The following NBAS variants were observed in gnomAD, a reference collection of about 807,000 sequenced individuals.
NBAS encodes NBAS subunit of NRZ tethering complex, also known as NAG/BC035112 fusion.
Under a neutral mutation model 302.5 loss-of-function variants are expected in NBAS, and 219 were observed. The ratio of observed to expected loss-of-function variants is 0.72; its 90% CI spans 0.65 to 0.81. NBAS has a LOEUF of 0.81. NBAS is among the 30% of genes least tolerant of loss of function. The probability of loss-of-function intolerance (pLI) is 0.00; values close to 1 mark genes in which losing one functional copy is unlikely to be tolerated. For synonymous variants in NBAS, 1,118 were observed against 1,021.6 expected (o/e 1.09, Z -1.80); for missense variants, 2,932 against 2,841.6 (o/e 1.03, Z -0.72).
At chr2:15,327,623 G>A in intron 38 of NBAS, 127 bp downstream of exon 38, 3 of 1,107,946 alleles carry the variant, frequency 2.7e-6, no homozygotes, top group Non-Finnish European at 4.0e-6. Flanking sequence ...GAATGATGAT[G>A]TCAAGTTATG....
chr2:14,842,351 T>TA, the NBAS span, among the ~76,000 whole-genome samples: 42 of 151,806 alleles, frequency 2.8e-4, no homozygotes, highest in African/African-American at 9.6e-4. Context: ...AAATTGAGAC[T>TA]AAAAAATGCA....
the NBAS span, among the ~76,000 whole-genome samples, chr2:15,040,724 C>G: frequency 6.6e-6 from 1 of 152,164 alleles, no homozygotes; most frequent in African/African-American, 2.4e-5. Context: ...AAGCCCCACC[C>G]TTGCCCTTGG....
In NBAS at chr2:15,382,086, T is replaced by C. The variant is rs145880207; in HGVS notation, c.3360+1129A>G. On this transcript the variant is annotated intron_variant, in intron 29 of 51. Transcript: ENST00000281513. ...GTTATTAAAAATGAGTTAGGTCATTTTTTCCACACAAACGGAAATATATAT... is the reference window on the plus strand; with the variant it reads ...GTTATTAAAAATGAGTTAGGTCATTCTTTCCACACAAACGGAAATATATAT... Among the ~76,000 whole-genome samples the C allele has an allele frequency of 8.5e-3, 1,027 of 121,372 alleles. 12 individuals carry two copies. The highest frequency in any genetic ancestry group is 0.027 in the African/African-American group (926 of 33,730). 79.6% of individuals were successfully genotyped at this position (121,372 alleles called of 152,430 possible).
At chr2:15,220,204 C>T (rs1220636716) in intron 47 of NBAS, among the ~76,000 whole-genome samples, 62 of 114,730 alleles carry the variant, frequency 5.4e-4, no homozygotes, top group African/African-American at 1.7e-3. Context: ...CCCTCCCGGA[C>T]GGGGCGGCTG....
intron 32 of NBAS, among the ~76,000 whole-genome samples, chr2:15,360,838 T>C (rs2148325648): frequency 6.6e-6 from 1 of 152,262 alleles, no homozygotes; most frequent in Admixed American, 6.5e-5. Flanking sequence ...ATGATATCAA[T>C]GCCTTCTGGA....
the NBAS span, among the ~76,000 whole-genome samples, chr2:15,120,045 T>C: frequency 6.6e-6 from 1 of 152,128 alleles, no homozygotes; most frequent in Non-Finnish European, 1.5e-5. Context: ...CTAGTTCTGA[T>C]GGCCAAAAAT....
At chr2:15,474,407 A>G (rs1344382991) in intron 14 of NBAS, 83 bp from the exon 15 acceptor site, 1 of 1,351,946 alleles carries the variant, frequency 7.4e-7, no homozygotes, top group East Asian at 2.5e-5. Context: ...ATATATTTCT[A>G]AATCTACTCT....
chr2:15,190,520 A>T, intron 48 of NBAS, 117 bp from the exon 49 acceptor site: 1 of 1,233,068 alleles, frequency 8.1e-7, no homozygotes. Flanking sequence ...ATGTGTTAAG[A>T]TTCAACATCA....
At chr2:15,139,413 T>TAAG in the NBAS span, among the ~76,000 whole-genome samples, 2 of 152,186 alleles carry the variant, frequency 1.3e-5, no homozygotes, top group East Asian at 3.8e-4. Flanking sequence ...AATTGCTGTT[T>TAAG]AAGTGTGATT....
chr2:15,417,954 C>G (rs1252914228), intron 23 of NBAS, among the ~76,000 whole-genome samples: 1 of 152,092 alleles, frequency 6.6e-6, no homozygotes, highest in Non-Finnish European at 1.5e-5. Context: ...GACAACCAAC[C>G]TATTATAAAT....
chr2:15,221,624 A>G (rs553033091), intron 47 of NBAS, among the ~76,000 whole-genome samples: 211 of 152,376 alleles, frequency 1.4e-3, no homozygotes, highest in Middle Eastern at 3.4e-3. Flanking sequence ...TAGAACCAGG[A>G]AAGGCTTCAG....
chr2:15,293,080 C>T (rs890857371), intron 40 of NBAS, among the ~76,000 whole-genome samples: 3 of 152,160 alleles, frequency 2.0e-5, no homozygotes, highest in Admixed American at 6.5e-5. Flanking sequence ...TATTATAAAC[C>T]TCCATCAGAT....
chr2:15,087,223 A>AACACACACACACACAC, the NBAS span, among the ~76,000 whole-genome samples: 6 of 143,192 alleles, frequency 4.2e-5, no homozygotes, highest in African/African-American at 1.6e-4. Context: ...TTTTTATACA[A>AACACACACACACACAC]ACACACACAC....
intron 9 of NBAS, among the ~76,000 whole-genome samples, chr2:15,526,748 C>T (rs1662929804): frequency 6.6e-6 from 1 of 152,106 alleles, no homozygotes; most frequent in Non-Finnish European, 1.5e-5. Context: ...AAAAGGTCCT[C>T]CTTCTGTGGT....
At chr2:14,982,457 G>A in the NBAS span, among the ~76,000 whole-genome samples, 6 of 152,138 alleles carry the variant, frequency 3.9e-5, no homozygotes, top group Admixed American at 2.0e-4. Flanking sequence ...AGAAAAGGAA[G>A]ACACGGAGTC....
At chr2:14,934,111 G>A in the NBAS span, among the ~76,000 whole-genome samples, 1 of 152,110 alleles carries the variant, frequency 6.6e-6, no homozygotes, top group Non-Finnish European at 1.5e-5. Flanking sequence ...ATTTACAAAT[G>A]GAAAGGCTAG....
intron 14 of NBAS, among the ~76,000 whole-genome samples, chr2:15,474,807 C>T (rs572271090): frequency 7.2e-5 from 11 of 152,272 alleles, no homozygotes; most frequent in African/African-American, 2.2e-4. Context: ...TTGATCCACC[C>T]GCCTTGGCCT....
At chr2:15,136,161 C>A in the NBAS span, among the ~76,000 whole-genome samples, 1 of 152,222 alleles carries the variant, frequency 6.6e-6, no homozygotes, top group Non-Finnish European at 1.5e-5. Context: ...CAGGAAGATT[C>A]TTGTCTCTCT....
At chr2:14,780,647 G>A in the NBAS span, among the ~76,000 whole-genome samples, 1 of 152,142 alleles carries the variant, frequency 6.6e-6, no homozygotes, top group African/African-American at 2.4e-5. Flanking sequence ...ATTCACCAGG[G>A]GATGAACCAT....
Sources: gnomAD v4.1 joint callset for allele counts (sites outside exome capture counted in the v4.1 genomes callset) on GRCh38, gnomAD v4.1.1 for gene constraint, MANE v1.5 for transcripts, NCBI Gene and HGNC (gene_info 2026-07-23, HGNC 2026-07-21) for gene names.